Variants in ERBIN observed in about 807,000 individuals in gnomAD.
The protein encoded by ERBIN is densin-180-like protein.
A neutral mutation model predicts 158.4 loss-of-function variants in ERBIN; 60 were observed. That is an observed-to-expected ratio of 0.38 (90% CI 0.31 to 0.47). The LOEUF is 0.47. ERBIN is among the 20% of genes least tolerant of loss of function. ERBIN has a pLI of 0.99. For missense variants in ERBIN, 1,610 were observed against 1,648.0 expected, an observed-to-expected ratio of 0.98 and a Z score of 0.40; for synonymous variants, 594 against 557.2, an observed-to-expected ratio of 1.07 and a Z score of -0.93.
At chr5:65,971,696 T>G (rs1020956259) in intron 1 of ERBIN, among the ~76,000 whole-genome samples, 1 of 152,206 alleles carries the variant, frequency 6.6e-6, no homozygotes, top group Non-Finnish European at 1.5e-5. Context: ...TCTCTTTCTA[T>G]GTCCATATGG....
chr5:65,929,980 C>T (rs1375600940), intron 1 of ERBIN, among the ~76,000 whole-genome samples: 1 of 152,078 alleles, frequency 6.6e-6, no homozygotes, highest in Non-Finnish European at 1.5e-5. Flanking sequence ...TTTTAGCTGT[C>T]TCTTCTTAGG....
chr5:65,995,644 T>G (rs915158745), intron 4 of ERBIN, among the ~76,000 whole-genome samples: 2 of 152,168 alleles, frequency 1.3e-5, no homozygotes, highest in Non-Finnish European at 2.9e-5. Flanking sequence ...ACATATCCAG[T>G]AGTGGGATTG....
At chr5:65,970,724 G>T (rs1043473699) in intron 1 of ERBIN, among the ~76,000 whole-genome samples, 5 of 152,212 alleles carry the variant, frequency 3.3e-5, no homozygotes, top group Middle Eastern at 6.8e-3. Context: ...GTGTAGCTGG[G>T]GCTACAGACG....
chr5:66,001,942 G>T (rs1753050071), intron 4 of ERBIN, among the ~76,000 whole-genome samples: 2 of 152,000 alleles, frequency 1.3e-5, no homozygotes, highest in Admixed American at 6.6e-5. Flanking sequence ...TTAGGTGTTT[G>T]TCCTAATGCT....
chr5:66,008,935 A>G (rs1753902329), intron 4 of ERBIN, among the ~76,000 whole-genome samples: 1 of 152,234 alleles, frequency 6.6e-6, no homozygotes, highest in South Asian at 2.1e-4. Context: ...ACATATAATT[A>G]ACTCAGCAAT....
chr5:66,021,072 T>G (rs1035430656), intron 7 of ERBIN, among the ~76,000 whole-genome samples: 4 of 151,984 alleles, frequency 2.6e-5, no homozygotes, highest in Admixed American at 1.3e-4. Flanking sequence ...GGGTTTAAAT[T>G]TATTGCAATT....
At chr5:66,056,163 C>T (rs1392167844) in intron 21 of ERBIN, among the ~76,000 whole-genome samples, 1 of 152,018 alleles carries the variant, frequency 6.6e-6, no homozygotes, top group Non-Finnish European at 1.5e-5. Flanking sequence ...GTTATGATGC[C>T]GTTTAGTAAT....
At chr5:66,018,856 C>T (rs1008888832) in intron 7 of ERBIN, among the ~76,000 whole-genome samples, 20 of 151,290 alleles carry the variant, frequency 1.3e-4, no homozygotes, top group African/African-American at 3.1e-4. Context: ...AGGATGGTCT[C>T]GATCTCCTGA....
At chr5:65,934,472 C>A (rs1454285428) in intron 1 of ERBIN, among the ~76,000 whole-genome samples, 1 of 151,724 alleles carries the variant, frequency 6.6e-6, no homozygotes, top group Non-Finnish European at 1.5e-5. Context: ...AGATGACAGG[C>A]CTAGTTATTC....
intron 1 of ERBIN, among the ~76,000 whole-genome samples, chr5:65,932,888 C>T (rs1743613944): frequency 1.3e-5 from 2 of 152,148 alleles, no homozygotes; most frequent in South Asian, 4.1e-4. Context: ...CCTCGGACTC[C>T]TGGGCTCAAG....
chr5:65,956,209 G>C (rs1747100696), intron 1 of ERBIN, among the ~76,000 whole-genome samples: 1 of 152,056 alleles, frequency 6.6e-6, no homozygotes, highest in East Asian at 1.9e-4. Flanking sequence ...TATTGAATCT[G>C]GTGGTAGTTG....
At position 66,053,718 on chromosome 5, in the gene ERBIN, T is replaced by C. The variant is rs1561430931; in HGVS notation, c.2400T>C (p.Ser800=). The C allele has an allele frequency of 2.5e-6, 4 of 1,613,888 alleles. No homozygotes were observed. Among genetic ancestry groups the C allele is most frequent in the Non-Finnish European group, 3.4e-6 (4 of 1,179,986 alleles). ...VLGTSFLSIN[S]KEETEHLENG... ...GAACAAGCTTTTTAAGCATTAATTC[T>C]AAAGAGGAAACTGAGCACTTGGAAA... Residue 800 remains serine, a synonymous_variant, in exon 21 of 26, where the codon TCT becomes TCC. Transcript: ENST00000284037.
Position 66,076,480 on chromosome 5 carries a change from G to A in ERBIN, c.4056+72G>A, listed in dbSNP as rs940367629. 8 of 1,138,216 alleles carry A rather than the reference G, an allele frequency of 7.0e-6. No homozygotes were observed. The African/African-American group carries it at 1.1e-4, about 16-fold the overall frequency. 70.5% of individuals were successfully genotyped at this position (1,138,216 alleles called of 1,614,324 possible). On this transcript the variant is annotated intron_variant, in intron 24 of 25. Coordinates refer to ENST00000284037, the MANE Select transcript of ERBIN (RefSeq NM_001253697.2). ...ACCGATTGAATACTTAAATGTAAGT[G>A]AAAATCTAATAGATGTTTATGTAAA...
At chr5:65,931,195 G>A (rs1743334926) in intron 1 of ERBIN, among the ~76,000 whole-genome samples, 2 of 152,188 alleles carry the variant, frequency 1.3e-5, no homozygotes, top group South Asian at 2.1e-4. Context: ...ACAGAGTCTG[G>A]GGACTTCACT....
At chr5:66,013,967 C>G (rs185006943) in intron 6 of ERBIN, among the ~76,000 whole-genome samples, 1 of 152,176 alleles carries the variant, frequency 6.6e-6, no homozygotes, top group East Asian at 1.9e-4. Context: ...TCTGTCTTCT[C>G]CCCTGGAATC....
At chr5:66,059,880 G>A (rs2151261093) in intron 21 of ERBIN, among the ~76,000 whole-genome samples, 1 of 152,306 alleles carries the variant, frequency 6.6e-6, no homozygotes. Flanking sequence ...GCATCCCAGG[G>A]ATGAAGCCCA....
At chr5:66,039,149 TAG>T (rs1370375275) in intron 15 of ERBIN, among the ~76,000 whole-genome samples, 3 of 152,070 alleles carry the variant, frequency 2.0e-5, no homozygotes, top group Admixed American at 2.0e-4. Flanking sequence ...TCTTAGTACA[TAG>T]AAACACTGAA....
intron 1 of ERBIN, among the ~76,000 whole-genome samples, chr5:65,972,574 GC>G (rs1286766693): frequency 6.6e-6 from 1 of 151,316 alleles, no homozygotes; most frequent in African/African-American, 2.5e-5. Context: ...TTAAGTAGAA[GC>G]TTAAATTTTT....
intron 1 of ERBIN, among the ~76,000 whole-genome samples, chr5:65,980,573 G>T (rs1750544816): frequency 6.6e-6 from 1 of 152,176 alleles, no homozygotes; most frequent in Non-Finnish European, 1.5e-5. Context: ...CCAACATTAT[G>T]CTTCCTACAA....
Sources: gnomAD v4.1 joint callset for allele counts (sites outside exome capture counted in the v4.1 genomes callset) on GRCh38, gnomAD v4.1.1 for gene constraint, MANE v1.5 for transcripts, NCBI Gene and HGNC (gene_info 2026-07-23, HGNC 2026-07-21) for gene names.